MAT2B: variants seen among roughly 807,000 people sequenced by gnomAD.
MAT2B encodes methionine adenosyltransferase 2 subunit beta.
A neutral mutation model predicts 36.1 loss-of-function variants in MAT2B; 16 were observed. The ratio of observed to expected loss-of-function variants is 0.44; its 90% CI spans 0.30 to 0.67. The LOEUF (loss-of-function observed/expected upper bound fraction) is 0.67. Ranked by LOEUF, MAT2B falls within the 30% of genes least tolerant of loss-of-function variation. The pLI is 0.09. For missense variants in MAT2B, 332 were observed against 398.2 expected (o/e 0.83, Z 1.42); for synonymous variants, 148 against 136.9 (o/e 1.08, Z -0.57).
chr5:163,517,534 T>C (rs372037505), intron 5 of MAT2B, 27 bp from the exon 6 acceptor site: 6 of 1,379,266 alleles, frequency 4.4e-6, no homozygotes, highest in Non-Finnish European at 6.2e-6. Context: ...GTTGAAACTA[T>C]TGAATTTATT....
At chr5:163,509,539 T>C (rs986343705) in intron 1 of MAT2B, among the ~76,000 whole-genome samples, 5 of 152,150 alleles carry the variant, frequency 3.3e-5, no homozygotes, top group African/African-American at 1.2e-4. Flanking sequence ...TCCAGGTGAT[T>C]CTGATCCACA....
chr5:163,514,114 T>G lies in MAT2B; in HGVS notation c.526+120T>G, dbSNP rs1291404720. The G allele has an allele frequency of 4.0e-6, 3 of 742,240 alleles. No individual in the cohort carries two copies. In the East Asian group the frequency reaches 9.6e-5, roughly 24 times the overall value. 46.0% of individuals were successfully genotyped at this position (742,240 alleles called of 1,614,324 possible). A position where few individuals can be genotyped will look rare whatever the true frequency, so the allele number is the denominator to read the frequency against. On this transcript the variant is annotated intron_variant, in intron 4 of 6. Transcript: ENST00000321757. ...TGAATATGAATCATTAGAGAAAAAT[T>G]AGAATATAGTTAATAAAGAAAATAA...
chr5:163,510,789 A>C (rs11958646), intron 1 of MAT2B, among the ~76,000 whole-genome samples: 5,385 of 152,296 alleles, frequency 0.035, 329 homozygotes, highest in African/African-American at 0.12. Flanking sequence ...TGTTGTAAGG[A>C]CCAAGTTTTT....
At chr5:163,505,611 T>A, upstream of MAT2B, 1 of 1,248,864 alleles carries the variant, frequency 8.0e-7, no homozygotes, top group Non-Finnish European at 1.0e-6. Flanking sequence ...GCCGAGGGCG[T>A]CTGAGCTGAG....
rs66978639 is a variant in MAT2B at position 163,515,770 on chromosome 5, C to CTTTTTTTTTTTT, written c.527-733_527-722dup. 3.3e-3 allele frequency among the ~76,000 whole-genome samples: 230 copies of CTTTTTTTTTTTT among 69,774 alleles called. 13 individuals carry two copies. The highest frequency in any genetic ancestry group is 0.011 in the East Asian group (27 of 2,472). 45.8% of individuals were successfully genotyped at this position (69,774 alleles called of 152,430 possible). A position where few individuals can be genotyped will look rare whatever the true frequency, so the allele number is the denominator to read the frequency against. ...TTAACAAATGTGGTTTTGCCTTTTT[C>CTTTTTTTTTTTT]TTTTTTTTTTTTTTTTTTTTTTTTT... is the stretch of plus-strand genomic sequence containing the variant. On this transcript the variant is annotated intron_variant, in intron 4 of 6. Transcript: ENST00000321757.
Position 163,516,674 on chromosome 5 carries a change from C to T in MAT2B, c.683C>T (p.Ala228Val). 1.2e-6 allele frequency: 2 copies of T among 1,614,160 alleles called. No individual in the cohort carries two copies. Among genetic ancestry groups the T allele is most frequent in the Non-Finnish European group, 1.7e-6 (2 of 1,180,038 alleles). ...QRFPTHVKDV[A>V]TVCRQLAEKR... ...TTCCCCACACATGTCAAAGATGTGGCCACTGTGTGCCGGCAGCTAGCAGAG... is the reference window on the plus strand; with the variant it reads ...TTCCCCACACATGTCAAAGATGTGGTCACTGTGTGCCGGCAGCTAGCAGAG... Residue 228 changes from alanine (A) to valine (V), a missense_variant, in exon 5 of 7, where the codon GCC becomes GTC. By Grantham distance (64) the Ala-to-Val change is moderately conservative. Transcript: ENST00000321757.
chr5:163,506,446 G>A (rs903588128), intron 1 of MAT2B, among the ~76,000 whole-genome samples: 18 of 151,928 alleles, frequency 1.2e-4, no homozygotes, highest in Admixed American at 2.0e-4. Context: ...TGCCCCCCTC[G>A]CCCCCGTCCC....
chr5:163,505,662 A>AGGCTGC lies in MAT2B; in HGVS notation c.-21_-16dup. 3.9e-6 allele frequency: 5 copies of AGGCTGC among 1,273,572 alleles called. No homozygotes were observed. The Admixed American group carries it at 1.9e-4, about 49-fold the overall frequency. The allele number at this position is 1,273,572 out of a possible 1,614,324, so 78.9% of individuals were successfully genotyped here. A position where few individuals can be genotyped will look rare whatever the true frequency, so the allele number is the denominator to read the frequency against. The stretch of plus-strand genomic sequence containing the variant: ...GGGTTGGAGGAGGTGGCGGCCGCTG[A>AGGCTGC]GGCTGCGGCGTGAAGACGGCGGGCA... On this transcript the variant is annotated 5_prime_UTR_variant, in exon 1 of 7. Transcript: ENST00000321757.
chr5:163,514,025 T>A lies in MAT2B; in HGVS notation c.526+31T>A, dbSNP rs370737728. ...ACCTAATCTATTTAGCCCCTGATTG[T>A]TTTTGAAGACTTTAAAAATCATTTA... On this transcript the variant is annotated intron_variant, in intron 4 of 6. Transcript: ENST00000321757. 1.2e-3 allele frequency: 1,916 copies of A among 1,565,368 alleles called. 3 individuals carry two copies. The highest frequency in any genetic ancestry group is 1.6e-3 in the Non-Finnish European group (1,803 of 1,160,030).
upstream of MAT2B, chr5:163,505,462 G>A: frequency 8.6e-7 from 1 of 1,162,364 alleles, no homozygotes; most frequent in Non-Finnish European, 1.1e-6. Context: ...TTTAAGCATC[G>A]GCGCGTGGGC....
intron 1 of MAT2B, among the ~76,000 whole-genome samples, chr5:163,508,228 A>G (rs1268335455): frequency 6.6e-6 from 1 of 152,038 alleles, no homozygotes; most frequent in Non-Finnish European, 1.5e-5. Flanking sequence ...TATCTCTTCT[A>G]ACAAGCTGCT....
intron 1 of MAT2B, among the ~76,000 whole-genome samples, chr5:163,511,522 A>T (rs968469561): frequency 2.9e-5 from 4 of 137,332 alleles, no homozygotes; most frequent in African/African-American, 1.1e-4. Context: ...GGCTCAAGTG[A>T]TCCACCTGCC....
chr5:163,508,627 G>GT lies in MAT2B; in HGVS notation c.63+2885dup, dbSNP rs35572635. Among the ~76,000 whole-genome samples the GT allele has an allele frequency of 6.8e-3, 1,039 of 151,804 alleles. 11 individuals carry two copies. The highest frequency in any genetic ancestry group is 0.024 in the African/African-American group (977 of 41,376). ...TTTTTTTTGGTTTTTTTGTTTGTTT[G>GT]TTTTTTTGAGATGAAGTCTAGCTCG... On this transcript the variant is annotated intron_variant, in intron 1 of 6. Coordinates refer to ENST00000321757, the MANE Select transcript of MAT2B (RefSeq NM_013283.5).
At chr5:163,516,973 A>C in intron 5 of MAT2B, 1 of 571,538 alleles carries the variant, frequency 1.7e-6, no homozygotes, top group Non-Finnish European at 3.1e-6. Flanking sequence ...ACTTCAAAAT[A>C]ATCATCTAAG....
chr5:163,518,359 A>G lies in MAT2B; in HGVS notation c.1001A>G (p.His334Arg). Residue 334 changes from histidine to arginine, a missense_variant, in exon 7 of 7, where the codon CAT (histidine) becomes CGT (arginine). Coordinates refer to ENST00000321757, the MANE Select transcript of MAT2B (RefSeq NM_013283.5). Reference protein sequence around the residue: ...IDKRWRQTVFH With the variant: ...IDKRWRQTVFR ...AAGAGATGGAGACAAACGGTCTTTCATTAGTTTATTTGTGTTGGGTTCTTT... is the reference window on the plus strand; with the variant it reads ...AAGAGATGGAGACAAACGGTCTTTCGTTAGTTTATTTGTGTTGGGTTCTTT... 3 of 1,599,440 alleles carry G rather than the reference A, an allele frequency of 1.9e-6. No homozygotes were observed. The highest frequency in any genetic ancestry group is 2.2e-5 in the East Asian group (1 of 44,744).
At chr5:163,505,282 C>T (rs1759908229), upstream of MAT2B, among the ~76,000 whole-genome samples, 1 of 152,014 alleles carries the variant, frequency 6.6e-6, no homozygotes, top group Admixed American at 6.5e-5. Context: ...CTCAGTCGAT[C>T]CTCATGCACT....
intron 1 of MAT2B, among the ~76,000 whole-genome samples, chr5:163,509,245 T>A (rs425680): frequency 2.0e-5 from 3 of 151,246 alleles, no homozygotes; most frequent in Non-Finnish European, 4.4e-5. Context: ...ATTCATTGTT[T>A]AGTAACTTTT....
chr5:163,503,113 T>C (rs530867289), upstream of MAT2B: 42 of 403,582 alleles, frequency 1.0e-4, no homozygotes, highest in South Asian at 2.9e-3. Context: ...CAAATAGTTT[T>C]GCAAATAGAC....
intron 4 of MAT2B, among the ~76,000 whole-genome samples, chr5:163,515,785 T>TTTTTA (rs1760123360): frequency 7.4e-6 from 1 of 135,004 alleles, no homozygotes; most frequent in Admixed American, 7.6e-5. Context: ...TTTTTTTTTT[T>TTTTTA]TTTTTTTTTT....
Sources: gnomAD v4.1 joint callset for allele counts (sites outside exome capture counted in the v4.1 genomes callset) on GRCh38, gnomAD v4.1.1 for gene constraint, MANE v1.5 for transcripts, NCBI Gene and HGNC (gene_info 2026-07-23, HGNC 2026-07-21) for gene names.